AKT3: variants seen among roughly 807,000 people sequenced by gnomAD.
AKT3 encodes the protein AKT serine/threonine kinase 3.
A neutral mutation model predicts 65.3 loss-of-function variants in AKT3; 15 were observed. The observed-to-expected ratio is 0.23, with a 90% CI of 0.15 to 0.35. The LOEUF is 0.35. AKT3 is among the 10% of genes least tolerant of loss of function. The pLI is 1.00. For missense variants in AKT3, 243 were observed against 576.5 expected, an observed-to-expected ratio of 0.42 and a Z score of 5.92; for synonymous variants, 206 against 183.8, an observed-to-expected ratio of 1.12 and a Z score of -0.98.
intron 10 of AKT3, among the ~76,000 whole-genome samples, chr1:243,553,484 C>A (rs934389966): frequency 2.6e-5 from 4 of 152,108 alleles, no homozygotes; most frequent in African/African-American, 9.7e-5. Context: ...TTTGAAAAAC[C>A]TTTGGATGCC....
intron 8 of AKT3, among the ~76,000 whole-genome samples, chr1:243,578,884 TG>T (rs888379135): frequency 1.3e-5 from 2 of 152,174 alleles, no homozygotes; most frequent in African/African-American, 4.8e-5. Context: ...CATCACTATC[TG>T]GTTACAAGAG....
intron 1 of AKT3, among the ~76,000 whole-genome samples, chr1:243,845,394 A>G (rs550700311): frequency 1.4e-4 from 21 of 151,104 alleles, no homozygotes; most frequent in African/African-American, 5.1e-4. Context: ...ACTTATGTCC[A>G]GGAGTTCAAG....
intron 13 of AKT3, among the ~76,000 whole-genome samples, chr1:243,491,554 T>C (rs1382328264): frequency 1.3e-5 from 2 of 152,222 alleles, no homozygotes; most frequent in Non-Finnish European, 2.9e-5. Flanking sequence ...CTGCTGAATA[T>C]CTAAACCCAG....
At chr1:243,837,068 T>C (rs1311765092) in intron 2 of AKT3, among the ~76,000 whole-genome samples, 2 of 152,096 alleles carry the variant, frequency 1.3e-5, no homozygotes, top group East Asian at 3.9e-4. Flanking sequence ...GAGCCTGTAA[T>C]CCCAGCACTC....
intron 2 of AKT3, among the ~76,000 whole-genome samples, chr1:243,834,866 C>T (rs541062357): frequency 6.6e-4 from 101 of 152,016 alleles, no homozygotes; most frequent in African/African-American, 2.2e-3. Context: ...TTTTCCTGCT[C>T]TTTTTCAAAA....
chr1:243,755,340 C>T (rs1689066657), intron 2 of AKT3, among the ~76,000 whole-genome samples: 1 of 151,546 alleles, frequency 6.6e-6, no homozygotes, highest in African/African-American at 2.4e-5. Context: ...CACCAAAGTG[C>T]TAGGATTACA....
chr1:243,680,406 A>T (rs977012673), intron 3 of AKT3, among the ~76,000 whole-genome samples: 1 of 152,122 alleles, frequency 6.6e-6, no homozygotes, highest in Non-Finnish European at 1.5e-5. Flanking sequence ...ACTTCCAAAC[A>T]GGCACCCTAG....
intron 3 of AKT3, among the ~76,000 whole-genome samples, chr1:243,667,929 C>T (rs763928085): frequency 1.3e-5 from 2 of 152,168 alleles, no homozygotes; most frequent in Admixed American, 6.5e-5. Context: ...TCTTTCCCCC[C>T]TCACACACCC....
At chr1:243,708,331 A>C (rs185004227) in intron 2 of AKT3, among the ~76,000 whole-genome samples, 1 of 152,070 alleles carries the variant, frequency 6.6e-6, no homozygotes, top group African/African-American at 2.4e-5. Context: ...AAGAAAGCTT[A>C]TAGATAATAT....
chr1:243,594,800 G>A lies in AKT3; in HGVS notation c.696+18871C>T, dbSNP rs972884161. Among the ~76,000 whole-genome samples the A allele has an allele frequency of 1.1e-4, 16 of 152,074 alleles. No individual in the cohort carries two copies. In the East Asian group the frequency reaches 1.7e-3, roughly 17 times the overall value. ...CTGCTGTGTTGCCCAGGCTGGTCTCGAACTCCTGGACATAAGTGGTCTTCC... is the reference window on the plus strand; with the variant it reads ...CTGCTGTGTTGCCCAGGCTGGTCTCAAACTCCTGGACATAAGTGGTCTTCC... On this transcript the variant is annotated intron_variant, in intron 8 of 13. Transcript: ENST00000673466.
intron 2 of AKT3, among the ~76,000 whole-genome samples, chr1:243,727,680 A>G (rs914765198): frequency 6.6e-5 from 10 of 152,162 alleles, no homozygotes; most frequent in African/African-American, 2.4e-4. Context: ...AACTTGAGGT[A>G]TTTAGAACTC....
intron 2 of AKT3, among the ~76,000 whole-genome samples, chr1:243,723,824 G>A (rs937649248): frequency 5.3e-5 from 8 of 152,142 alleles, no homozygotes; most frequent in African/African-American, 1.9e-4. Context: ...GGGAGTCTGA[G>A]GTGGAAGATC....
intron 6 of AKT3, among the ~76,000 whole-genome samples, chr1:243,617,491 A>G (rs903697436): frequency 3.3e-5 from 5 of 152,180 alleles, no homozygotes; most frequent in Non-Finnish European, 5.9e-5. Context: ...TAAAAAAAAT[A>G]AGATCCCATT....
rs1558656779 is a variant in AKT3 at position 243,617,160 on chromosome 1, C to T, written c.562-1999G>A. Among the ~76,000 whole-genome samples, 5 of 148,584 alleles carry T rather than the reference C, an allele frequency of 3.4e-5. No individual in the cohort carries two copies. In the South Asian group the frequency reaches 1.1e-3, roughly 32 times the overall value. On this transcript the variant is annotated intron_variant, in intron 6 of 13. Transcript: ENST00000673466. Reference sequence around the variant, plus strand: ...TCCATCCACCCACCCACCCACCCACCGACTTCTTCAACACATATGCAACAA... The same window carrying T: ...TCCATCCACCCACCCACCCACCCACTGACTTCTTCAACACATATGCAACAA...
At chr1:243,722,716 C>A (rs1686986188) in intron 2 of AKT3, among the ~76,000 whole-genome samples, 1 of 152,094 alleles carries the variant, frequency 6.6e-6, no homozygotes, top group African/African-American at 2.4e-5. Context: ...TGATTCATGT[C>A]TTCAATAAAA....
intron 9 of AKT3, among the ~76,000 whole-genome samples, chr1:243,569,394 G>A (rs1245912497): frequency 6.6e-6 from 1 of 152,224 alleles, no homozygotes; most frequent in African/African-American, 2.4e-5. Context: ...GGAATGAAGA[G>A]CAGTGGCTTA....
intron 5 of AKT3, among the ~76,000 whole-genome samples, chr1:243,640,420 C>T (rs1680287594): frequency 6.6e-6 from 1 of 152,166 alleles, no homozygotes; most frequent in Non-Finnish European, 1.5e-5. Flanking sequence ...CCGGGCTAAC[C>T]CTGTATCTTG....
Position 243,686,652 on chromosome 1 carries a change from T to TATATATATATATATATATATATATA in AKT3, c.172+8938_172+8939insTATATATATATATATATATATATAT, listed in dbSNP as rs373666457. ...TTTCATATATATATATATATATATA[T>TATATATATATATATATATATATATA]TTTTTTTTTTTTTTTTTTTTTTTTT... On this transcript the variant is annotated intron_variant, in intron 3 of 13. Coordinates refer to ENST00000673466, the MANE Select transcript of AKT3 (RefSeq NM_005465.7). Among the ~76,000 whole-genome samples the TATATATATATATATATATATATATA allele has an allele frequency of 2.3e-3, 29 of 12,652 alleles. 2 individuals carry two copies. Among genetic ancestry groups the TATATATATATATATATATATATATA allele is most frequent in the Admixed American group, 6.2e-3 (4 of 644 alleles). 8.3% of individuals were successfully genotyped at this position (12,652 alleles called of 152,430 possible). A position where few individuals can be genotyped will look rare whatever the true frequency, so the allele number is the denominator to read the frequency against.
At chr1:243,756,831 C>T (rs1183168051) in intron 2 of AKT3, among the ~76,000 whole-genome samples, 4 of 152,176 alleles carry the variant, frequency 2.6e-5, no homozygotes, top group African/African-American at 9.7e-5. Flanking sequence ...TAGTCACTAC[C>T]TTCAGGTGAT....
Sources: gnomAD v4.1 joint callset for allele counts (sites outside exome capture counted in the v4.1 genomes callset) on GRCh38, gnomAD v4.1.1 for gene constraint, MANE v1.5 for transcripts, NCBI Gene and HGNC (gene_info 2026-07-23, HGNC 2026-07-21) for gene names.